Variants in ABLIM3 observed in about 807,000 individuals in gnomAD.
ABLIM3 encodes the protein actin binding LIM protein family member 3.
Under a neutral mutation model 109.5 loss-of-function variants are expected in ABLIM3, and 61 were observed. That is an observed-to-expected ratio of 0.56 (90% CI 0.45 to 0.69). The LOEUF (loss-of-function observed/expected upper bound fraction) is 0.69. Among genes scored for constraint, ABLIM3 ranks in the 30% least tolerant of loss-of-function variants. ABLIM3 has a pLI of 0.00. For synonymous variants in ABLIM3, 300 were observed against 324.8 expected (o/e 0.92, Z 0.82); for missense variants, 796 against 889.5 (o/e 0.89, Z 1.34).
intron 6 of ABLIM3, among the ~76,000 whole-genome samples, chr5:149,208,552 G>A (rs1396239013): frequency 2.6e-5 from 4 of 152,072 alleles, no homozygotes; most frequent in Non-Finnish European, 5.9e-5. Flanking sequence ...ACCAAGCCTA[G>A]CAGAAAAAGA....
chr5:149,235,109 G>A (rs554021553), intron 10 of ABLIM3, among the ~76,000 whole-genome samples: 1 of 152,274 alleles, frequency 6.6e-6, no homozygotes, highest in East Asian at 1.9e-4. Flanking sequence ...AGAGGCATGT[G>A]TCTCCCCTTC....
rs772571487 is a variant in ABLIM3 at position 149,230,633 on chromosome 5, T to C, written c.758-16T>C. Reference sequence around the variant, plus strand: ...TTTGAAAGGTCTGAGTCTTCGTTATTTTCATGACCCCTTAGGTTCCGAGGT... The same window carrying C: ...TTTGAAAGGTCTGAGTCTTCGTTATCTTCATGACCCCTTAGGTTCCGAGGT... On this transcript the variant is annotated splice_polypyrimidine_tract_variant and intron_variant, in intron 8 of 23. Coordinates refer to ENST00000309868, the MANE Select transcript of ABLIM3 (RefSeq NM_014945.5). 1 of 1,613,818 alleles carries C rather than the reference T, an allele frequency of 6.2e-7. No homozygotes were observed. Among genetic ancestry groups the C allele is most frequent in the Non-Finnish European group, 8.5e-7 (1 of 1,179,904 alleles).
chr5:149,247,840 C>G lies in ABLIM3; in HGVS notation c.1610C>G (p.Ser537Cys). The G allele has an allele frequency of 6.2e-7, 1 of 1,614,260 alleles. No individual in the cohort carries two copies. The highest frequency in any genetic ancestry group is 8.5e-7 in the Non-Finnish European group (1 of 1,180,050). Reference sequence around the variant, plus strand: ...GAAGAAATGAAGGCCCGGTCGAGCTCCTATGCAGATCCCTGGACCCCTCCC... The same window carrying G: ...GAAGAAATGAAGGCCCGGTCGAGCTGCTATGCAGATCCCTGGACCCCTCCC... ...LKEEMKARSS[S>C]YADPWTPPRS... The change falls in exon 18 of 24, where the codon TCC becomes TGC. Residue 537 changes from serine (S) to cysteine (C), a missense_variant. Coordinates refer to ENST00000309868, the MANE Select transcript of ABLIM3 (RefSeq NM_014945.5).
chr5:149,225,191 G>C (rs113666743), intron 8 of ABLIM3, among the ~76,000 whole-genome samples: 1 of 152,012 alleles, frequency 6.6e-6, no homozygotes, highest in African/African-American at 2.4e-5. Context: ...ATTTTAAAGC[G>C]CACAATTCGG....
chr5:149,157,284 GA>G (rs1561537522), intron 2 of ABLIM3, among the ~76,000 whole-genome samples: 1 of 152,160 alleles, frequency 6.6e-6, no homozygotes, highest in Non-Finnish European at 1.5e-5. Context: ...TCACATTTGG[GA>G]AGGAACATAC....
At chr5:149,142,662 CTA>C (rs1219973601) in intron 2 of ABLIM3, among the ~76,000 whole-genome samples, 11 of 152,150 alleles carry the variant, frequency 7.2e-5, no homozygotes, top group African/African-American at 2.7e-4. Context: ...GCTGGTTTCT[CTA>C]TGTACCTGCA....
intron 8 of ABLIM3, chr5:149,220,061 A>C (rs1257586632): frequency 6.6e-6 from 1 of 152,202 alleles, no homozygotes; most frequent in Non-Finnish European, 1.5e-5. Context: ...GACCGAGAAC[A>C]GTTGCTATAA....
At position 149,201,577 on chromosome 5, in the gene ABLIM3, C is replaced by T. The variant is rs549758171; in HGVS notation, c.448+1149C>T. On this transcript the variant is annotated intron_variant, in intron 5 of 23. Transcript: ENST00000309868. Reference sequence around the variant, plus strand: ...CTCCCTTGCCTGCTCTTCCTTTCAGCCAAATCAGATCTGTTCCTGGAATGT... The same window carrying T: ...CTCCCTTGCCTGCTCTTCCTTTCAGTCAAATCAGATCTGTTCCTGGAATGT... Among the ~76,000 whole-genome samples the T allele has an allele frequency of 1.3e-5, 2 of 152,236 alleles. 1 individual carries two copies. The highest frequency in any genetic ancestry group is 4.1e-4 in the South Asian group (2 of 4,820).
chr5:149,241,235 A>G (rs922638581), intron 14 of ABLIM3, among the ~76,000 whole-genome samples: 1 of 152,234 alleles, frequency 6.6e-6, no homozygotes, highest in African/African-American at 2.4e-5. Flanking sequence ...AGAGGTTGCA[A>G]CTGTGCTCAA....
intron 2 of ABLIM3, among the ~76,000 whole-genome samples, chr5:149,170,322 C>A (rs1283594997): frequency 6.6e-6 from 1 of 151,108 alleles, no homozygotes. Flanking sequence ...ACATGTGGAG[C>A]AAGATGGCAA....
rs774821112 is a variant in ABLIM3 at position 149,200,417 on chromosome 5, G to A, written c.437G>A (p.Arg146His). The change falls in exon 5 of 24, where the codon CGT becomes CAT. Residue 146 changes from arginine (R) to histidine (H), a missense_variant. By Grantham distance (29) the Arg-to-His change is conservative. Transcript: ENST00000309868. ...SMASSKPIKI[R>H]GPSHCAGCKE... ...GCCAGCAGTAAGCCCATCAAGATTC[G>A]TGGACCAAGCCGTGAGTCCTCCCCA... is the stretch of plus-strand genomic sequence containing the variant. The A allele has an allele frequency of 1.3e-5, 21 of 1,614,152 alleles. No homozygotes were observed. The highest frequency in any genetic ancestry group is 5.0e-5 in the Admixed American group (3 of 60,030).
intron 23 of ABLIM3, among the ~76,000 whole-genome samples, 199 bp from the exon 24 acceptor site, chr5:149,258,092 T>G (rs1479442473): frequency 6.6e-6 from 1 of 152,218 alleles, no homozygotes; most frequent in East Asian, 1.9e-4. Flanking sequence ...GAGTCCTCCC[T>G]GGGAAAATGT....
At chr5:149,153,842 G>A (rs1446043408) in intron 2 of ABLIM3, among the ~76,000 whole-genome samples, 1 of 152,210 alleles carries the variant, frequency 6.6e-6, no homozygotes, top group Non-Finnish European at 1.5e-5. Flanking sequence ...GACAGACAAG[G>A]AGAACATACA....
In ABLIM3 at chr5:149,183,543, C is replaced by T. The variant is rs746817761; in HGVS notation, c.105C>T (p.Val35=). Residue 35 remains valine, a synonymous_variant, in exon 3 of 24, where the codon GTC becomes GTT. Coordinates refer to ENST00000309868, the MANE Select transcript of ABLIM3 (RefSeq NM_014945.5). The stretch of plus-strand genomic sequence containing the variant: ...GAGACACCTGCAAAGGGGAAGTGGT[C>T]CGCGTGCACAACAACCACTTCCACA... ...RCGDTCKGEV[V]RVHNNHFHIR... is the part of the protein sequence containing the mutation. The T allele has an allele frequency of 2.5e-6, 4 of 1,594,716 alleles. No homozygotes were observed. The Admixed American group carries it at 7.0e-5, about 28-fold the overall frequency.
intron 10 of ABLIM3, among the ~76,000 whole-genome samples, chr5:149,235,213 C>G (rs1173922198): frequency 6.6e-6 from 1 of 152,128 alleles, no homozygotes; most frequent in African/African-American, 2.4e-5. Flanking sequence ...TTCAGTGAGC[C>G]CATCCCAAGC....
At chr5:149,239,609 T>G in intron 12 of ABLIM3, 150 bp from the exon 13 acceptor site, 1 of 1,131,374 alleles carries the variant, frequency 8.8e-7, no homozygotes, top group South Asian at 1.6e-5. Flanking sequence ...TCGGGCTGTG[T>G]GTGTAACTCA....
At chr5:149,171,154 G>A (rs17722558) in intron 2 of ABLIM3, among the ~76,000 whole-genome samples, 3 of 152,130 alleles carry the variant, frequency 2.0e-5, no homozygotes, top group Non-Finnish European at 4.4e-5. Flanking sequence ...TAAATTGAGT[G>A]CCTATAGTAC....
At chr5:149,241,267 A>C (rs149112346) in intron 14 of ABLIM3, among the ~76,000 whole-genome samples, 2 of 152,220 alleles carry the variant, frequency 1.3e-5, no homozygotes, top group African/African-American at 4.8e-5. Flanking sequence ...TCCTGCCTTC[A>C]TGGTATTTGG....
At chr5:149,235,561 T>C (rs964998777) in intron 10 of ABLIM3, among the ~76,000 whole-genome samples, 3 of 152,258 alleles carry the variant, frequency 2.0e-5, no homozygotes, top group Non-Finnish European at 4.4e-5. Context: ...GGAAGAAATA[T>C]AAATTTAGTG....
Sources: gnomAD v4.1 joint callset for allele counts (sites outside exome capture counted in the v4.1 genomes callset) on GRCh38, gnomAD v4.1.1 for gene constraint, MANE v1.5 for transcripts, NCBI Gene and HGNC (gene_info 2026-07-23, HGNC 2026-07-21) for gene names.